Variants in AMPH observed in about 807,000 individuals in gnomAD.
AMPH encodes the protein amphiphysin (Stiff-Mann syndrome with breast cancer 128kD autoantigen).
AMPH carries 49 observed loss-of-function variants against 99.1 expected under a neutral mutation model. The observed-to-expected ratio is 0.49, with a 90% confidence interval of 0.39 to 0.63. The LOEUF (loss-of-function observed/expected upper bound fraction) is 0.63. AMPH is among the 20% of genes least tolerant of loss of function. AMPH has a pLI of 0.00. For synonymous variants in AMPH, 314 were observed against 317.3 expected, an observed-to-expected ratio of 0.99 and a Z score of 0.11; for missense variants, 759 against 863.4, an observed-to-expected ratio of 0.88 and a Z score of 1.52.
chr7:38,470,928 T>A (rs1476442873), intron 7 of AMPH, among the ~76,000 whole-genome samples: 1 of 152,180 alleles, frequency 6.6e-6, no homozygotes, highest in Non-Finnish European at 1.5e-5. Context: ...TATCGTTTTT[T>A]AAAATTTTTT....
chr7:38,598,337 G>A (rs1185020004), intron 1 of AMPH, among the ~76,000 whole-genome samples: 2 of 151,522 alleles, frequency 1.3e-5, no homozygotes, highest in African/African-American at 2.4e-5. Flanking sequence ...GGACTGGAGT[G>A]CAGTGGCATG....
intron 1 of AMPH, among the ~76,000 whole-genome samples, chr7:38,571,552 ATATT>A (rs1238735357): frequency 2.1e-5 from 3 of 141,466 alleles, no homozygotes; most frequent in African/African-American, 7.7e-5. Context: ...ATAAATATAT[ATATT>A]TATACTTATA....
intron 1 of AMPH, among the ~76,000 whole-genome samples, chr7:38,583,001 G>A (rs1792520716): frequency 6.6e-6 from 1 of 152,142 alleles, no homozygotes; most frequent in Non-Finnish European, 1.5e-5. Context: ...CCACACATAA[G>A]AGTCAACAAT....
chr7:38,495,427 G>T (rs1239723669), intron 3 of AMPH, among the ~76,000 whole-genome samples: 1 of 152,164 alleles, frequency 6.6e-6, no homozygotes, highest in Non-Finnish European at 1.5e-5. Context: ...CAGAGCACAA[G>T]ATGGGAACCA....
At chr7:38,495,229 A>G (rs1325390091) in intron 3 of AMPH, among the ~76,000 whole-genome samples, 2 of 152,242 alleles carry the variant, frequency 1.3e-5, no homozygotes, top group African/African-American at 4.8e-5. Flanking sequence ...AGTTACCAGG[A>G]CATATTTTTC....
intron 7 of AMPH, among the ~76,000 whole-genome samples, chr7:38,468,162 G>C (rs932492046): frequency 1.3e-5 from 2 of 152,074 alleles, no homozygotes; most frequent in African/African-American, 4.8e-5. Context: ...GCCACTTATA[G>C]TCCCTTACAT....
intron 2 of AMPH, among the ~76,000 whole-genome samples, chr7:38,518,178 G>A (rs931965960): frequency 2.0e-5 from 3 of 152,218 alleles, no homozygotes; most frequent in African/African-American, 7.2e-5. Context: ...TTCTACAGGT[G>A]CACAGAATGG....
At chr7:38,419,573 G>T (rs1785513285) in intron 16 of AMPH, among the ~76,000 whole-genome samples, 1 of 152,126 alleles carries the variant, frequency 6.6e-6, no homozygotes, top group Non-Finnish European at 1.5e-5. Context: ...TGTTTGAAAA[G>T]AATTATCTTC....
intron 1 of AMPH, among the ~76,000 whole-genome samples, chr7:38,587,950 G>GTGT: frequency 7.2e-6 from 1 of 139,522 alleles, no homozygotes; most frequent in South Asian, 2.3e-4. Context: ...GTGTGTGTGT[G>GTGT]CGCGTGTGTG....
chr7:38,483,063 C>T (rs1788351499), intron 5 of AMPH, among the ~76,000 whole-genome samples: 1 of 152,084 alleles, frequency 6.6e-6, no homozygotes, highest in South Asian at 2.1e-4. Flanking sequence ...TAGCACAGTG[C>T]CATATAATGA....
chr7:38,553,281 C>T (rs1024067408), intron 1 of AMPH, among the ~76,000 whole-genome samples: 4 of 152,230 alleles, frequency 2.6e-5, no homozygotes, highest in Admixed American at 6.5e-5. Context: ...CACACTTCCA[C>T]AAACACTCCA....
At chr7:38,599,657 C>T (rs17414632) in intron 1 of AMPH, among the ~76,000 whole-genome samples, 23,076 of 151,952 alleles carry the variant, frequency 0.15, 2,066 homozygotes, top group Non-Finnish European at 0.21. Flanking sequence ...AAAGGGTCAA[C>T]GGTAAATATA....
rs544519515 is a variant in AMPH at position 38,466,076 on chromosome 7, T to C, written c.666+97A>G. On this transcript the variant is annotated intron_variant, in intron 8 of 20. Coordinates refer to ENST00000356264, the MANE Select transcript of AMPH (RefSeq NM_001635.4). ...CTGCTAAAAGAAACATACAAAAGGG[T>C]GAATTCTTTGGATAATTCTATCCCA... 4 of 961,504 alleles carry C rather than the reference T, an allele frequency of 4.2e-6. No homozygotes were observed. The African/African-American group carries it at 5.1e-5, about 12-fold the overall frequency. The allele number at this position is 961,504 out of a possible 1,614,324, so 59.6% of individuals were successfully genotyped here.
At chr7:38,630,313 C>T (rs1183940341) in intron 1 of AMPH, among the ~76,000 whole-genome samples, 1 of 152,196 alleles carries the variant, frequency 6.6e-6, no homozygotes, top group African/African-American at 2.4e-5. Flanking sequence ...CAAATGAAGA[C>T]CTCAGGGCCG....
In AMPH at chr7:38,431,744, T is replaced by C. The variant is rs150333115; in HGVS notation, c.1158+445A>G. ...ACTAAAATCCAGGGCTATCTGGCTC[T>C]AAAACTCAAGTTCTTATTAACCCAA... On this transcript the variant is annotated intron_variant, in intron 13 of 20. Coordinates refer to ENST00000356264, the MANE Select transcript of AMPH (RefSeq NM_001635.4). Among the ~76,000 whole-genome samples, 36 of 152,262 alleles carry C rather than the reference T, an allele frequency of 2.4e-4. No individual in the cohort carries two copies. In the East Asian group the frequency reaches 5.6e-3, roughly 24 times the overall value.
At chr7:38,431,412 C>T (rs1209070240) in intron 13 of AMPH, among the ~76,000 whole-genome samples, 1 of 152,164 alleles carries the variant, frequency 6.6e-6, no homozygotes, top group African/African-American at 2.4e-5. Context: ...AATCCCAGCA[C>T]TTTGGGAGGC....
intron 2 of AMPH, among the ~76,000 whole-genome samples, chr7:38,527,128 T>C (rs149722912): frequency 1.3e-3 from 191 of 152,380 alleles, no homozygotes; most frequent in African/African-American, 4.2e-3. Context: ...TACATGTCTA[T>C]CTCTCTGCCA....
intron 5 of AMPH, among the ~76,000 whole-genome samples, chr7:38,481,333 CAT>C (rs925842291): frequency 3.9e-5 from 6 of 151,962 alleles, no homozygotes; most frequent in Non-Finnish European, 2.9e-5. Context: ...ATTTAACTTA[CAT>C]TTCTTGAAAA....
At chr7:38,508,753 T>A (rs1176920923) in intron 2 of AMPH, among the ~76,000 whole-genome samples, 3 of 152,202 alleles carry the variant, frequency 2.0e-5, no homozygotes, top group Non-Finnish European at 4.4e-5. Flanking sequence ...TGAAGTAACA[T>A]ATCAAAATTA....
Sources: allele counts gnomAD v4.1 joint callset (sites outside exome capture counted in the v4.1 genomes callset), GRCh38; gene constraint gnomAD v4.1.1; transcripts MANE v1.5; gene names NCBI Gene and HGNC (gene_info 2026-07-23, HGNC 2026-07-21).